KIAA0513: variants seen among roughly 807,000 people sequenced by gnomAD.
KIAA0513 encodes the protein uncharacterized protein KIAA0513.
In KIAA0513, 39 loss-of-function variants were observed where a neutral mutation model predicts 56.5. That is an observed-to-expected ratio of 0.69 (90% CI 0.53 to 0.90). KIAA0513 has a LOEUF of 0.90. KIAA0513 is among the 40% of genes least tolerant of loss of function. The pLI, the probability that KIAA0513 is intolerant of heterozygous loss-of-function variation, is 0.00. For synonymous variants in KIAA0513, 268 were observed against 215.6 expected, an observed-to-expected ratio of 1.24 and a Z score of -2.13; for missense variants, 591 against 535.2, an observed-to-expected ratio of 1.10 and a Z score of -1.03.
chr16:85,033,337 G>T (rs1347425668), intron 1 of KIAA0513, among the ~76,000 whole-genome samples: 1 of 152,180 alleles, frequency 6.6e-6, no homozygotes, highest in East Asian at 1.9e-4. Context: ...AGCTGCTTCA[G>T]GTCAGGATGC....
rs1239119852 is a variant in KIAA0513, at chr16:85,092,579, C to T, written c.*4254C>T. Reference sequence around the variant, plus strand: ...CCAGATTCTCACTCAAGGTCGTTCTCACTCCTTTTCCTGTCCCGTTTCCAG... The same window carrying T: ...CCAGATTCTCACTCAAGGTCGTTCTTACTCCTTTTCCTGTCCCGTTTCCAG... On this transcript the variant is annotated 3_prime_UTR_variant, in exon 13 of 13. Coordinates refer to ENST00000683363, the MANE Select transcript of KIAA0513 (RefSeq NM_001388359.1). 1 of 152,260 alleles carries T rather than the reference C, an allele frequency of 6.6e-6. No individual in the cohort carries two copies. The highest frequency in any genetic ancestry group is 1.5e-5 in the Non-Finnish European group (1 of 68,056). The allele number at this position is 152,260 out of a possible 1,614,324, so 9.4% of individuals were successfully genotyped here. A position where few individuals can be genotyped will look rare whatever the true frequency, so the allele number is the denominator to read the frequency against.
chr16:85,084,878 G>C (rs1021782057), intron 10 of KIAA0513, among the ~76,000 whole-genome samples: 7 of 152,254 alleles, frequency 4.6e-5, no homozygotes, highest in Non-Finnish European at 1.0e-4. Flanking sequence ...TCAGTTGTAA[G>C]AAGTGATTTT....
chr16:85,050,702 G>T (rs749220194), intron 1 of KIAA0513, among the ~76,000 whole-genome samples: 5 of 152,198 alleles, frequency 3.3e-5, no homozygotes, highest in Non-Finnish European at 7.3e-5. Flanking sequence ...CCGCAGTGTG[G>T]TAGAGTTGGG....
intron 1 of KIAA0513, among the ~76,000 whole-genome samples, chr16:85,042,456 G>T (rs207476239): frequency 6.6e-6 from 1 of 152,102 alleles, no homozygotes; most frequent in African/African-American, 2.4e-5. Context: ...GTCCATACCC[G>T]CAATATTGTA....
At chr16:85,030,396 C>G (rs767875903) in intron 1 of KIAA0513, among the ~76,000 whole-genome samples, 4 of 152,066 alleles carry the variant, frequency 2.6e-5, no homozygotes, top group Non-Finnish European at 4.4e-5. Context: ...TTTGTTTATT[C>G]GAAACCGTTT....
intron 1 of KIAA0513, among the ~76,000 whole-genome samples, chr16:85,038,862 T>C (rs527954179): frequency 1.3e-5 from 2 of 152,312 alleles, no homozygotes; most frequent in East Asian, 3.9e-4. Context: ...TGAAGTCTGA[T>C]GTGGTCAGCA....
At chr16:85,057,143 A>G (rs1156506384) in intron 1 of KIAA0513, among the ~76,000 whole-genome samples, 1 of 152,184 alleles carries the variant, frequency 6.6e-6, no homozygotes, top group African/African-American at 2.4e-5. Flanking sequence ...GAATTGTTGA[A>G]TGGGTTTTTC....
chr16:85,041,729 G>A (rs1025855455), intron 1 of KIAA0513, among the ~76,000 whole-genome samples: 2 of 152,160 alleles, frequency 1.3e-5, no homozygotes. Context: ...TGAGCAGAGA[G>A]GTGACAAGCC....
chr16:85,077,127 T>G (rs2073667564), intron 5 of KIAA0513, among the ~76,000 whole-genome samples: 2 of 152,178 alleles, frequency 1.3e-5, no homozygotes, highest in South Asian at 4.1e-4. Context: ...TGCCCTCGCC[T>G]GCCTGCAGAC....
chr16:85,079,985 A>C (rs2073719072), intron 8 of KIAA0513, among the ~76,000 whole-genome samples: 1 of 152,184 alleles, frequency 6.6e-6, no homozygotes, highest in African/African-American at 2.4e-5. Context: ...ACCTGGAATC[A>C]GTGTCAGACG....
At chr16:85,032,136 T>C (rs1250843294) in intron 1 of KIAA0513, among the ~76,000 whole-genome samples, 1 of 152,188 alleles carries the variant, frequency 6.6e-6, no homozygotes, top group Non-Finnish European at 1.5e-5. Flanking sequence ...TGTGCCTCAC[T>C]CCCAGCTTCT....
chr16:85,039,529 C>A lies in KIAA0513; in HGVS notation c.-173+11671C>A, dbSNP rs555041427. 7.2e-4 allele frequency among the ~76,000 whole-genome samples: 109 copies of A among 152,252 alleles called. 1 individual carries two copies. The highest frequency in any genetic ancestry group is 2.5e-3 in the African/African-American group (102 of 41,558). On this transcript the variant is annotated intron_variant, in intron 1 of 12. Transcript: ENST00000683363. ...GTGTTGCCCATGCTGGTCTTGAATT[C>A]CTGGGTTCAAGCGATACTCCCACCT...
At chr16:85,083,639 A>G (rs1261671709) in intron 10 of KIAA0513, among the ~76,000 whole-genome samples, 1 of 152,176 alleles carries the variant, frequency 6.6e-6, no homozygotes, top group Non-Finnish European at 1.5e-5. Flanking sequence ...TCCTGAGCTC[A>G]GCTGAGGGGA....
chr16:85,042,388 A>C (rs1179789455), intron 1 of KIAA0513, among the ~76,000 whole-genome samples: 1 of 152,162 alleles, frequency 6.6e-6, no homozygotes, highest in Non-Finnish European at 1.5e-5. Flanking sequence ...GGTGTACTGC[A>C]GCTATGTAAA....
chr16:85,090,576 A>G lies in KIAA0513; in HGVS notation c.*2251A>G, dbSNP rs2073857659. On this transcript the variant is annotated 3_prime_UTR_variant, in exon 13 of 13. Transcript: ENST00000683363. ...TTTTTTCTCCACATAGACTCTTGAA[A>G]TAGCCATTTCAGGGGAGGAAAGGGT... 1 of 152,248 alleles carries G rather than the reference A, an allele frequency of 6.6e-6. No individual in the cohort carries two copies. The highest frequency in any genetic ancestry group is 2.4e-5 in the African/African-American group (1 of 41,470). 9.4% of individuals were successfully genotyped at this position (152,248 alleles called of 1,614,324 possible).
intron 1 of KIAA0513, among the ~76,000 whole-genome samples, chr16:85,050,536 G>A (rs551115182): frequency 1.1e-4 from 16 of 152,064 alleles, no homozygotes; most frequent in African/African-American, 3.6e-4. Context: ...GGCTGGTCTC[G>A]AACTCCTGAC....
chr16:85,043,962 G>A (rs890398499), intron 1 of KIAA0513, among the ~76,000 whole-genome samples: 3 of 152,264 alleles, frequency 2.0e-5, no homozygotes, highest in African/African-American at 4.8e-5. Flanking sequence ...CCCGGGAAGC[G>A]GAGGTTGTGG....
rs2073895896 is a variant in KIAA0513 at position 85,093,895 on chromosome 16, G to A, written c.*5570G>A. On this transcript the variant is annotated 3_prime_UTR_variant, in exon 13 of 13. Transcript: ENST00000683363. ...GACCTGCCGCCTTCTTGAACCTGGT[G>A]GCCCCCGTTGGAACTATCAGTGGCG... The A allele has an allele frequency of 6.6e-6, 1 of 152,236 alleles. No individual in the cohort carries two copies. Among genetic ancestry groups the A allele is most frequent in the Admixed American group, 6.5e-5 (1 of 15,288 alleles). 9.4% of individuals were successfully genotyped at this position (152,236 alleles called of 1,614,324 possible).
intron 1 of KIAA0513, among the ~76,000 whole-genome samples, chr16:85,042,109 C>G (rs1276801605): frequency 6.6e-6 from 1 of 152,146 alleles, no homozygotes; most frequent in Non-Finnish European, 1.5e-5. Flanking sequence ...TTGCAAACAT[C>G]CTTTATTCTC....
Sources: allele counts gnomAD v4.1 joint callset (sites outside exome capture counted in the v4.1 genomes callset), GRCh38; gene constraint gnomAD v4.1.1; transcripts MANE v1.5; gene names NCBI Gene and HGNC (gene_info 2026-07-23, HGNC 2026-07-21).